The following KLHL1 variants were observed in gnomAD, a reference collection of about 807,000 sequenced individuals.
KLHL1 encodes the protein kelch like family member 1.
In KLHL1, 47 loss-of-function variants were observed where a neutral mutation model predicts 77.7. The observed-to-expected ratio is 0.60, with a 90% CI of 0.48 to 0.77. The LOEUF (loss-of-function observed/expected upper bound fraction) is 0.77. KLHL1 is among the 30% of genes least tolerant of loss of function. KLHL1 has a pLI of 0.00. For synonymous variants in KLHL1, 360 were observed against 325.2 expected (o/e 1.11, Z -1.15); for missense variants, 925 against 910.8 (o/e 1.02, Z -0.20).
chr13:69,838,557 A>G (rs1282221524), intron 6 of KLHL1, among the ~76,000 whole-genome samples: 1 of 151,854 alleles, frequency 6.6e-6, no homozygotes, highest in Admixed American at 6.6e-5. Context: ...ATACTTCTTT[A>G]TAATTGTCTA....
chr13:69,821,704 C>G (rs1405972962), intron 6 of KLHL1, among the ~76,000 whole-genome samples: 4 of 152,134 alleles, frequency 2.6e-5, no homozygotes, highest in Admixed American at 2.0e-4. Context: ...TTTAACTTAT[C>G]AAAGTGGCCT....
At chr13:69,810,088 A>C (rs991079202) in intron 6 of KLHL1, among the ~76,000 whole-genome samples, 9 of 152,164 alleles carry the variant, frequency 5.9e-5, no homozygotes, top group Non-Finnish European at 1.2e-4. Flanking sequence ...ACAAAGTAAT[A>C]GTGGCAGACT....
intron 9 of KLHL1, among the ~76,000 whole-genome samples, chr13:69,711,216 G>C (rs1355777653): frequency 6.6e-6 from 1 of 152,004 alleles, no homozygotes; most frequent in Admixed American, 6.6e-5. Flanking sequence ...CTTTTCCCAA[G>C]TTTGTACAGG....
chr13:69,856,207 T>A (rs907207572), intron 5 of KLHL1, among the ~76,000 whole-genome samples: 147 of 151,892 alleles, frequency 9.7e-4, no homozygotes, highest in East Asian at 3.9e-4. Context: ...AAATAAATTT[T>A]AAAAAAATCT....
At chr13:69,746,282 A>G (rs921350020) in intron 7 of KLHL1, among the ~76,000 whole-genome samples, 1 of 151,782 alleles carries the variant, frequency 6.6e-6, no homozygotes, top group Non-Finnish European at 1.5e-5. Flanking sequence ...TATAATTACT[A>G]TACATTTTAG....
chr13:69,828,780 A>C (rs1018590596), intron 6 of KLHL1, among the ~76,000 whole-genome samples: 1 of 149,986 alleles, frequency 6.7e-6, no homozygotes, highest in Non-Finnish European at 1.5e-5. Context: ...TGTCATTGCC[A>C]GCTTTCCACC....
chr13:69,740,890 T>TAA (rs1251295144), intron 7 of KLHL1, among the ~76,000 whole-genome samples: 1 of 152,126 alleles, frequency 6.6e-6, no homozygotes, highest in African/African-American at 2.4e-5. Context: ...AAAATAATAC[T>TAA]AATTCCCATA....
At chr13:69,903,798 T>G (rs931306820) in intron 4 of KLHL1, among the ~76,000 whole-genome samples, 1 of 151,540 alleles carries the variant, frequency 6.6e-6, no homozygotes, top group African/African-American at 2.4e-5. Context: ...CGTACCACCA[T>G]GCCCAGCTAA....
intron 4 of KLHL1, among the ~76,000 whole-genome samples, chr13:69,893,161 T>G (rs1009110595): frequency 6.6e-6 from 1 of 150,556 alleles, no homozygotes; most frequent in African/African-American, 2.4e-5. Flanking sequence ...AAATGGAAAC[T>G]AATGAAATAG....
At chr13:69,718,027 C>T (rs1872853379) in intron 9 of KLHL1, among the ~76,000 whole-genome samples, 1 of 152,118 alleles carries the variant, frequency 6.6e-6, no homozygotes, top group South Asian at 2.1e-4. Context: ...TTACCAAAAA[C>T]CATCTCTTGC....
intron 1 of KLHL1, among the ~76,000 whole-genome samples, chr13:70,026,238 G>A (rs963723924): frequency 3.9e-5 from 6 of 151,970 alleles, no homozygotes; most frequent in African/African-American, 1.5e-4. Context: ...GCTTCATCAT[G>A]TTATAAAAGG....
At chr13:70,101,424 T>C (rs958246324) in intron 1 of KLHL1, among the ~76,000 whole-genome samples, 2 of 151,700 alleles carry the variant, frequency 1.3e-5, no homozygotes, top group African/African-American at 4.8e-5. Context: ...TCAATAGCCG[T>C]ATATATATAT....
intron 7 of KLHL1, among the ~76,000 whole-genome samples, chr13:69,791,597 T>C (rs1356825195): frequency 6.6e-6 from 1 of 152,108 alleles, no homozygotes; most frequent in Non-Finnish European, 1.5e-5. Flanking sequence ...CATAGACTAA[T>C]GTAATAGAAT....
intron 3 of KLHL1, among the ~76,000 whole-genome samples, chr13:69,950,971 T>C (rs1394380397): frequency 6.6e-6 from 1 of 151,620 alleles, no homozygotes; most frequent in Non-Finnish European, 1.5e-5. Context: ...TATGTATATT[T>C]AAAATATTTT....
At chr13:69,981,207 G>T (rs1248562803) in intron 1 of KLHL1, among the ~76,000 whole-genome samples, 1 of 147,944 alleles carries the variant, frequency 6.8e-6, no homozygotes, top group Non-Finnish European at 1.5e-5. Flanking sequence ...GTACAATTGT[G>T]TACATTATGA....
chr13:69,765,790 G>A (rs947820917), intron 7 of KLHL1, among the ~76,000 whole-genome samples: 6 of 152,192 alleles, frequency 3.9e-5, no homozygotes, highest in African/African-American at 9.6e-5. Context: ...GCTACCCTCC[G>A]ATCTGTTGCT....
intron 8 of KLHL1, among the ~76,000 whole-genome samples, chr13:69,728,649 C>CAAAAAAAAAAAA (rs536317353): frequency 0.02 from 2,681 of 131,414 alleles, 74 homozygotes; most frequent in African/African-American, 0.075. Flanking sequence ...CTAAAAATGC[C>CAAAAAAAAAAAA]AAAAAAAAAA....
intron 5 of KLHL1, among the ~76,000 whole-genome samples, chr13:69,849,474 C>T (rs1305726514): frequency 2.0e-5 from 3 of 151,346 alleles, no homozygotes; most frequent in Admixed American, 6.6e-5. Context: ...AAGCCAAGCA[C>T]ATTTATGCTC....
At chr13:69,788,719 G>C (rs1191875702) in intron 7 of KLHL1, among the ~76,000 whole-genome samples, 1 of 151,972 alleles carries the variant, frequency 6.6e-6, no homozygotes, top group African/African-American at 2.4e-5. Context: ...TAGGAATCTT[G>C]ATAGACAGTG....
Sources: allele counts gnomAD v4.1 joint callset (sites outside exome capture counted in the v4.1 genomes callset), GRCh38; gene constraint gnomAD v4.1.1; transcripts MANE v1.5; gene names NCBI Gene and HGNC (gene_info 2026-07-23, HGNC 2026-07-21).